The following CSMD1 variants were observed in gnomAD, a reference collection of about 807,000 sequenced individuals.
CSMD1 encodes the protein CUB and sushi domain-containing protein 1.
In CSMD1, 213 loss-of-function variants were observed where a neutral mutation model predicts 417.5. The ratio of observed to expected loss-of-function variants is 0.51; its 90% CI spans 0.46 to 0.57. The LOEUF (loss-of-function observed/expected upper bound fraction) is 0.57. CSMD1 is among the 20% of genes least tolerant of loss of function. CSMD1 has a pLI of 0.00. For synonymous variants in CSMD1, 2,862 were observed against 1,736.8 expected (o/e 1.65, Z -16.11); for missense variants, 6,923 against 4,529.7 (o/e 1.53, Z -15.17).
chr8:3,959,605 C>T (rs1491002655), intron 5 of CSMD1, among the ~76,000 whole-genome samples: 1 of 152,218 alleles, frequency 6.6e-6, no homozygotes, highest in Non-Finnish European at 1.5e-5. Context: ...TGACCAAATG[C>T]TCCAAATCAC....
At chr8:3,488,083 A>ACAGTATTATTATTATTAT (rs1444687771) in intron 11 of CSMD1, among the ~76,000 whole-genome samples, 139 of 122,114 alleles carry the variant, frequency 1.1e-3, no homozygotes, top group Middle Eastern at 4.2e-3. Context: ...TTAGAAACTC[A>ACAGTATTATTATTATTAT]TAGTATTATT....
At chr8:4,163,084 A>G (rs1158462360) in intron 3 of CSMD1, among the ~76,000 whole-genome samples, 1 of 152,214 alleles carries the variant, frequency 6.6e-6, no homozygotes, top group Non-Finnish European at 1.5e-5. Flanking sequence ...TGTTTTAGCA[A>G]TGAATAATAT....
intron 26 of CSMD1, among the ~76,000 whole-genome samples, chr8:3,248,657 A>G (rs922727497): frequency 6.7e-6 from 1 of 148,834 alleles, no homozygotes. Context: ...TACTCATGTC[A>G]GCAATACTTG....
chr8:3,694,781 A>C (rs1408506545), intron 7 of CSMD1, among the ~76,000 whole-genome samples: 2 of 151,846 alleles, frequency 1.3e-5, no homozygotes, highest in African/African-American at 2.4e-5. Context: ...AGAGCGGTCC[A>C]AGCAGAAGTA....
chr8:4,150,450 T>C (rs552340101), intron 3 of CSMD1, among the ~76,000 whole-genome samples: 1 of 152,236 alleles, frequency 6.6e-6, no homozygotes, highest in Non-Finnish European at 1.5e-5. Flanking sequence ...CAGTGCCTTT[T>C]ACCGGGGCTT....
intron 63 of CSMD1, among the ~76,000 whole-genome samples, chr8:2,957,369 G>A (rs528551066): frequency 3.3e-5 from 5 of 152,058 alleles, no homozygotes; most frequent in South Asian, 2.1e-4. Flanking sequence ...ACTTATCTTC[G>A]GTTTCATGCA....
At chr8:3,475,716 G>A (rs1039878999) in intron 11 of CSMD1, among the ~76,000 whole-genome samples, 2 of 152,334 alleles carry the variant, frequency 1.3e-5, no homozygotes, top group East Asian at 1.9e-4. Context: ...ATGTTGAACT[G>A]AAATCAACAG....
intron 1 of CSMD1, among the ~76,000 whole-genome samples, chr8:4,990,816 A>T (rs1354194063): frequency 6.6e-6 from 1 of 152,104 alleles, no homozygotes; most frequent in Non-Finnish European, 1.5e-5. Flanking sequence ...TCTTGGTGGG[A>T]TGAGTCTTTA....
At chr8:4,632,280 A>T (rs1441359926) in intron 2 of CSMD1, among the ~76,000 whole-genome samples, 1 of 152,156 alleles carries the variant, frequency 6.6e-6, no homozygotes, top group Non-Finnish European at 1.5e-5. Context: ...TGGGAGGCCG[A>T]GGTGGGCAGA....
intron 10 of CSMD1, among the ~76,000 whole-genome samples, chr8:3,533,956 G>C (rs1283649446): frequency 1.3e-5 from 2 of 151,996 alleles, no homozygotes; most frequent in Admixed American, 1.3e-4. Context: ...AGGATAAGAG[G>C]GCACATGAAA....
intron 4 of CSMD1, among the ~76,000 whole-genome samples, chr8:4,012,316 G>C (rs1816605520): frequency 6.6e-6 from 1 of 151,896 alleles, no homozygotes; most frequent in African/African-American, 2.4e-5. Flanking sequence ...TCCAATCCTT[G>C]GTAGGGTGTC....
chr8:4,047,767 A>G (rs1798224360), intron 3 of CSMD1, among the ~76,000 whole-genome samples: 1 of 152,104 alleles, frequency 6.6e-6, no homozygotes, highest in Admixed American at 6.5e-5. Context: ...TTTTTTTGAT[A>G]GGAATAGGTA....
At chr8:4,686,967 C>T (rs1362299214) in intron 1 of CSMD1, among the ~76,000 whole-genome samples, 1 of 152,180 alleles carries the variant, frequency 6.6e-6, no homozygotes, top group Non-Finnish European at 1.5e-5. Context: ...CAGTCCTGAA[C>T]GGCACACAGG....
chr8:3,756,500 C>G (rs1181237963), intron 5 of CSMD1, among the ~76,000 whole-genome samples: 1 of 152,042 alleles, frequency 6.6e-6, no homozygotes, highest in Non-Finnish European at 1.5e-5. Flanking sequence ...AAATTAAGCA[C>G]AGAAGCAAGC....
chr8:4,446,918 G>T (rs1034378921), intron 2 of CSMD1, among the ~76,000 whole-genome samples: 2 of 150,152 alleles, frequency 1.3e-5, no homozygotes, highest in African/African-American at 5.0e-5. Flanking sequence ...ATTGCGCCTG[G>T]CAGAGACCGT....
At chr8:3,135,493 G>C (rs1818023119) in intron 41 of CSMD1, among the ~76,000 whole-genome samples, 1 of 134,084 alleles carries the variant, frequency 7.5e-6, no homozygotes, top group Admixed American at 7.4e-5. Context: ...ATGCTCTTGA[G>C]TGAAGTCTGC....
chr8:3,580,572 CTT>C (rs1223026300), intron 9 of CSMD1, among the ~76,000 whole-genome samples: 1 of 152,080 alleles, frequency 6.6e-6, no homozygotes, highest in African/African-American at 2.4e-5. Context: ...TTGCCAATAA[CTT>C]AGTAAAAATA....
chr8:3,125,321 G>A (rs1817439574), intron 41 of CSMD1, among the ~76,000 whole-genome samples: 1 of 152,206 alleles, frequency 6.6e-6, no homozygotes, highest in African/African-American at 2.4e-5. Context: ...AGGCCACACA[G>A]GTGTGAGAGG....
At chr8:3,297,838 C>T (rs35612444) in intron 25 of CSMD1, among the ~76,000 whole-genome samples, 13,700 of 150,628 alleles carry the variant, frequency 0.091, 779 homozygotes, top group Non-Finnish European at 0.13. Context: ...ATTTGCTAAC[C>T]GTAAAGAAAA....
Sources: gnomAD v4.1 joint callset for allele counts (sites outside exome capture counted in the v4.1 genomes callset) on GRCh38, gnomAD v4.1.1 for gene constraint, MANE v1.5 for transcripts, NCBI Gene and HGNC (gene_info 2026-07-23, HGNC 2026-07-21) for gene names.